COLEC11: variants seen among roughly 807,000 people sequenced by gnomAD.
COLEC11 encodes the protein collectin subfamily member 11, also known as collectin-11.
Under a neutral mutation model 27.3 loss-of-function variants are expected in COLEC11, and 20 were observed. The ratio of observed to expected loss-of-function variants is 0.73; its 90% CI spans 0.51 to 1.06. The LOEUF (loss-of-function observed/expected upper bound fraction) is 1.06, where lower values mean the gene tolerates loss of function less well. Among genes scored for constraint, COLEC11 ranks in the 50% least tolerant of loss-of-function variants. The probability of loss-of-function intolerance (pLI) is 0.00; values close to 1 mark genes in which losing one functional copy is unlikely to be tolerated. For synonymous variants in COLEC11, 163 were observed against 154.7 expected, an observed-to-expected ratio of 1.05 and a Z score of -0.40; for missense variants, 310 against 383.0, an observed-to-expected ratio of 0.81 and a Z score of 1.59.
chr2:3,609,596 C>G (rs1663033590), intron 2 of COLEC11, among the ~76,000 whole-genome samples: 1 of 151,026 alleles, frequency 6.6e-6, no homozygotes, highest in Non-Finnish European at 1.5e-5. Context: ...ATAGCGTGAT[C>G]TTGGCTCACT....
At chr2:3,635,260 G>A (rs187235411) in intron 3 of COLEC11, among the ~76,000 whole-genome samples, 108 of 152,162 alleles carry the variant, frequency 7.1e-4, no homozygotes, top group Admixed American at 2.6e-3. Context: ...CATCACGCAC[G>A]AGGTTCTGCC....
At position 3,602,742 on chromosome 2, in the gene COLEC11, C is replaced by T. The variant is rs1295732727; in HGVS notation, c.-26-1573C>T. Among the ~76,000 whole-genome samples the T allele has an allele frequency of 6.6e-6, 1 of 152,200 alleles. No homozygotes were observed. The highest frequency in any genetic ancestry group is 1.5e-5 in the Non-Finnish European group (1 of 68,030). On this transcript the variant is annotated intron_variant, in intron 1 of 6. Coordinates refer to ENST00000349077, the MANE Select transcript of COLEC11 (RefSeq NM_024027.5). This position sits in a 1 kb window ranked among gnomAD's most constrained non-coding sequence, Gnocchi z 6.2. ...GCTCCTGTCTCCTGTCCTCTGTGCC[C>T]ACCAGGCCAGCCCACCTCTCCCCGC...
chr2:3,627,530 CATG>C (rs767673882), intron 3 of COLEC11, among the ~76,000 whole-genome samples: 78 of 149,840 alleles, frequency 5.2e-4, no homozygotes, highest in South Asian at 1.7e-3. Flanking sequence ...TAGATCGGGG[CATG>C]ATGATGCTGG....
In COLEC11 at chr2:3,644,465, C is replaced by A. The variant is rs1390237175; in HGVS notation, c.*347C>A. ...TGCAGTAGTTAAGTCCAAATAGTGG[C>A]AATGGGGTCTTGAATTACTACCTTT... On this transcript the variant is annotated 3_prime_UTR_variant, in exon 7 of 7. Coordinates refer to ENST00000349077, the MANE Select transcript of COLEC11 (RefSeq NM_024027.5). 2.0e-6 allele frequency: 1 copy of A among 511,164 alleles called. No individual in the cohort carries two copies. The highest frequency in any genetic ancestry group is 5.3e-5 in the East Asian group (1 of 19,034). The allele number at this position is 511,164 out of a possible 1,614,324, so 31.7% of individuals were successfully genotyped here. A position where few individuals can be genotyped will look rare whatever the true frequency, so the allele number is the denominator to read the frequency against.
chr2:3,613,783 C>T (rs1572413151), intron 3 of COLEC11, among the ~76,000 whole-genome samples: 4 of 152,088 alleles, frequency 2.6e-5, no homozygotes, highest in Admixed American at 2.6e-4. Context: ...TTCGTAAAGT[C>T]GTGTGATTCT....
intron 1 of COLEC11, among the ~76,000 whole-genome samples, chr2:3,598,312 AAT>A (rs1212769888): frequency 1.3e-5 from 2 of 152,228 alleles, no homozygotes; most frequent in African/African-American, 4.8e-5. Flanking sequence ...CTGCCCTGGA[AAT>A]ACTGTGTAGA....
chr2:3,624,494 T>C (rs989649290), intron 3 of COLEC11, among the ~76,000 whole-genome samples: 2 of 152,260 alleles, frequency 1.3e-5, no homozygotes, highest in Non-Finnish European at 2.9e-5. Context: ...GCAGACTTTT[T>C]TTGGGCAGCA....
intron 3 of COLEC11, among the ~76,000 whole-genome samples, chr2:3,629,110 A>G (rs1487206082): frequency 6.6e-6 from 1 of 152,204 alleles, no homozygotes; most frequent in Non-Finnish European, 1.5e-5. Context: ...TCTTGTTCTC[A>G]TCTGCTGTCC....
rs759573402 is a variant in COLEC11, at chr2:3,643,780, G to A, written c.478G>A (p.Glu160Lys). The change falls in exon 7 of 7, where the codon GAG (glutamate) becomes AAG (lysine). Residue 160 changes from glutamate to lysine, a missense_variant. Coordinates refer to ENST00000349077, the MANE Select transcript of COLEC11 (RefSeq NM_024027.5). ...CAAGATCTACCTGCTGGTGAAGGAG[G>A]AGAAGCGCTACGCGGACGCCCAGCT... ...ESKIYLLVKE[E>K]KRYADAQLSC... 3 of 1,613,520 alleles carry A rather than the reference G, an allele frequency of 1.9e-6. No individual in the cohort carries two copies. The highest frequency in any genetic ancestry group is 1.7e-5 in the Admixed American group (1 of 60,014).
At chr2:3,625,625 C>CTTTTTTTTTTTTTTTTTTTTTTTTT (rs60222284) in intron 3 of COLEC11, among the ~76,000 whole-genome samples, 14 of 91,460 alleles carry the variant, frequency 1.5e-4, no homozygotes, top group African/African-American at 3.4e-4. Flanking sequence ...TTCTTTTTTA[C>CTTTTTTTTTTTTTTTTTTTTTTTTT]TTTTTTTTTT....
In COLEC11 at chr2:3,631,747, GGGGCTCTGCTCGGA is replaced by G. The variant is rs1327614368; in HGVS notation, c.203-5776_203-5763del. 1.5e-4 allele frequency among the ~76,000 whole-genome samples: 23 copies of G among 152,172 alleles called. No homozygotes were observed. In the East Asian group the frequency reaches 3.9e-3, roughly 26 times the overall value. On this transcript the variant is annotated intron_variant, in intron 3 of 6. Coordinates refer to ENST00000349077, the MANE Select transcript of COLEC11 (RefSeq NM_024027.5). ...TACTCGGAGGGGACTCTGCTCGGAGGGGGCTCTGCTCGGAGGGCTCTGCCTGCTGCTTTGCACAC... is the reference window on the plus strand; with the variant it reads ...TACTCGGAGGGGACTCTGCTCGGAGGGGGCTCTGCCTGCTGCTTTGCACAC...
At chr2:3,611,798 A>G (rs1453314545) in intron 2 of COLEC11, among the ~76,000 whole-genome samples, 2 of 151,998 alleles carry the variant, frequency 1.3e-5, no homozygotes, top group Non-Finnish European at 2.9e-5. Flanking sequence ...GAGGCCAGAT[A>G]ATCAGCTTTG....
chr2:3,613,976 C>CTTTTTTTTTTTT lies in COLEC11; in HGVS notation c.202+597_202+598insTTTTTTTTTTTT, dbSNP rs1461288131. On this transcript the variant is annotated intron_variant, in intron 3 of 6. Transcript: ENST00000349077. ...AAGTGTTTTTTCTTTTTCTTTCTTT[C>CTTTTTTTTTTTT]TTTCTTTTTTTTTTTTTTGAGACTG... Among the ~76,000 whole-genome samples, 25 of 91,352 alleles carry CTTTTTTTTTTTT rather than the reference C, an allele frequency of 2.7e-4. 1 individual carries two copies. Among genetic ancestry groups the CTTTTTTTTTTTT allele is most frequent in the African/African-American group, 8.6e-4 (25 of 28,962 alleles). The allele number at this position is 91,352 out of a possible 152,430, so 59.9% of individuals were successfully genotyped here. A position where few individuals can be genotyped will look rare whatever the true frequency, so the allele number is the denominator to read the frequency against.
At chr2:3,617,812 A>G (rs1663886237) in intron 3 of COLEC11, 1 of 729,660 alleles carries the variant, frequency 1.4e-6, no homozygotes, top group Non-Finnish European at 2.4e-6. Context: ...CCCACCAGCA[A>G]TGTCTAAGGG....
chr2:3,609,863 T>C (rs1473446497), intron 2 of COLEC11, among the ~76,000 whole-genome samples: 1 of 151,648 alleles, frequency 6.6e-6, no homozygotes, highest in Admixed American at 6.6e-5. Context: ...GGGGTCTTGC[T>C]GTGTTGCCCA....
chr2:3,607,691 C>T (rs1662841515), intron 2 of COLEC11, among the ~76,000 whole-genome samples: 1 of 152,152 alleles, frequency 6.6e-6, no homozygotes, highest in South Asian at 2.1e-4. Context: ...TCACGTAATC[C>T]ACCCGCTTTG....
chr2:3,621,191 ATT>A (rs1052164044), intron 3 of COLEC11, among the ~76,000 whole-genome samples: 12 of 152,290 alleles, frequency 7.9e-5, no homozygotes, highest in African/African-American at 2.6e-4. Context: ...TGCTTTACAT[ATT>A]TAGGTGCTCC....
At chr2:3,627,169 G>A (rs143860538) in intron 3 of COLEC11, among the ~76,000 whole-genome samples, 1 of 151,286 alleles carries the variant, frequency 6.6e-6, no homozygotes, top group Non-Finnish European at 1.5e-5. Context: ...GCGGGAACTT[G>A]GGGGCCAAGA....
chr2:3,618,491 TTATTTCTGTGCTTTCTTCTCTGCTC>T (rs2147900813), intron 3 of COLEC11, among the ~76,000 whole-genome samples: 1 of 152,372 alleles, frequency 6.6e-6, no homozygotes, highest in East Asian at 1.9e-4. Flanking sequence ...ACTCATGGGC[TTATTTCTGTGCTTTCTTCTCTGCTC>T]TATTGTCTAT....
Sources: allele counts gnomAD v4.1 joint callset (sites outside exome capture counted in the v4.1 genomes callset), GRCh38; gene constraint gnomAD v4.1.1; non-coding constraint Gnocchi (gnomAD v3.1); transcripts MANE v1.5; gene names NCBI Gene and HGNC (gene_info 2026-07-23, HGNC 2026-07-21).